PLGRKT: variants seen among roughly 807,000 people sequenced by gnomAD.
PLGRKT encodes the protein plasminogen receptor (KT).
PLGRKT carries 22 observed loss-of-function variants against 18.5 expected under a neutral mutation model. That is an observed-to-expected ratio of 1.19 (90% CI 0.85 to 1.70). The LOEUF (loss-of-function observed/expected upper bound fraction) is 1.70. Among genes scored for constraint, PLGRKT ranks in the 40% most tolerant of loss-of-function variants. The probability of loss-of-function intolerance (pLI) is 0.00; values close to 1 mark genes in which losing one functional copy is unlikely to be tolerated. For synonymous variants in PLGRKT, 72 were observed against 52.8 expected, an observed-to-expected ratio of 1.36 and a Z score of -1.58; for missense variants, 235 against 174.4, an observed-to-expected ratio of 1.35 and a Z score of -1.96.
intron 2 of PLGRKT, among the ~76,000 whole-genome samples, chr9:5,434,604 T>C (rs1398204541): frequency 2.0e-5 from 3 of 147,380 alleles, no homozygotes; most frequent in Non-Finnish European, 3.0e-5. Context: ...CCGCCCCCTC[T>C]GGGAGGTGGG....
chr9:5,412,814 C>T (rs1818390278), intron 3 of PLGRKT, among the ~76,000 whole-genome samples: 1 of 151,818 alleles, frequency 6.6e-6, no homozygotes, highest in Non-Finnish European at 1.5e-5. Flanking sequence ...ATTTTTAAAC[C>T]ACCGTAAACA....
intron 3 of PLGRKT, among the ~76,000 whole-genome samples, chr9:5,382,870 G>A (rs1680805173): frequency 6.6e-6 from 1 of 152,132 alleles, no homozygotes; most frequent in Non-Finnish European, 1.5e-5. Context: ...AAGAACTGTG[G>A]GAACCTGAAT....
At chr9:5,414,656 A>T (rs1818425213) in intron 3 of PLGRKT, among the ~76,000 whole-genome samples, 1 of 152,236 alleles carries the variant, frequency 6.6e-6, no homozygotes, top group East Asian at 1.9e-4. Flanking sequence ...TTAGGAAAAC[A>T]ATATTTTGAC....
At chr9:5,361,974 A>T in intron 3 of PLGRKT, 86 bp from the exon 4 acceptor site, 2 of 1,271,840 alleles carry the variant, frequency 1.6e-6, no homozygotes, top group Non-Finnish European at 2.2e-6. Context: ...CAGCGGATTC[A>T]TTCTTCAATT....
intron 3 of PLGRKT, among the ~76,000 whole-genome samples, chr9:5,384,022 A>G (rs186006657): frequency 3.9e-5 from 6 of 152,352 alleles, no homozygotes; most frequent in Non-Finnish European, 8.8e-5. Context: ...GAGCCACTCC[A>G]CTGTCACAGC....
chr9:5,363,070 C>T (rs988594884), intron 3 of PLGRKT, among the ~76,000 whole-genome samples: 9 of 151,708 alleles, frequency 5.9e-5, no homozygotes, highest in Non-Finnish European at 1.0e-4. Context: ...AAGGTAACTG[C>T]GGATTGAGAG....
chr9:5,380,123 G>C (rs1243045357), intron 3 of PLGRKT, among the ~76,000 whole-genome samples: 1 of 152,114 alleles, frequency 6.6e-6, no homozygotes, highest in Non-Finnish European at 1.5e-5. Context: ...CCCGCACTTT[G>C]GGAGGCCGAG....
chr9:5,411,145 A>G (rs1467002019), intron 3 of PLGRKT, among the ~76,000 whole-genome samples: 6 of 152,140 alleles, frequency 3.9e-5, no homozygotes, highest in African/African-American at 1.4e-4. Flanking sequence ...ACACTTTGGG[A>G]GGCCGAGGCA....
chr9:5,420,776 A>C (rs1176272797), intron 3 of PLGRKT, among the ~76,000 whole-genome samples: 3 of 152,168 alleles, frequency 2.0e-5, no homozygotes, highest in African/African-American at 7.2e-5. Flanking sequence ...AAAAGCACAC[A>C]CTGCACTTTC....
At chr9:5,380,731 C>A (rs890999674) in intron 3 of PLGRKT, among the ~76,000 whole-genome samples, 2 of 152,142 alleles carry the variant, frequency 1.3e-5, no homozygotes, top group African/African-American at 2.4e-5. Flanking sequence ...GTTCTCTTGC[C>A]ATAACCTTGG....
intron 3 of PLGRKT, among the ~76,000 whole-genome samples, chr9:5,369,686 C>A (rs565204878): frequency 6.6e-5 from 10 of 152,114 alleles, no homozygotes; most frequent in African/African-American, 1.2e-4. Context: ...TGGAACCAAC[C>A]CAAATGCCCA....
At chr9:5,413,687 G>C (rs1194550283) in intron 3 of PLGRKT, among the ~76,000 whole-genome samples, 4 of 152,170 alleles carry the variant, frequency 2.6e-5, no homozygotes, top group Non-Finnish European at 5.9e-5. Flanking sequence ...TTTATCCATT[G>C]AGAACCATTT....
chr9:5,361,122 T>C lies in PLGRKT; in HGVS notation c.278A>G (p.Tyr93Cys). ...PIVPLSFILT[Y>C]QYDLGYGTLL... ...GGTTCCATAGCCCAAGTCATACTGG[T>C]AGGTGAGGATAAAGCTTAATGGAAC... is the stretch of plus-strand genomic sequence containing the variant. The change falls in exon 5 of 6, where the codon TAC becomes TGC. Residue 93 changes from tyrosine to cysteine, a missense_variant. Transcript: ENST00000223864. 1.2e-6 allele frequency: 2 copies of C among 1,609,160 alleles called. No homozygotes were observed. Among genetic ancestry groups the C allele is most frequent in the Non-Finnish European group, 1.7e-6 (2 of 1,175,736 alleles).
rs1818518942 is a variant in PLGRKT at position 5,418,953 on chromosome 9, A to G, written c.81+12944T>C. On this transcript the variant is annotated intron_variant, in intron 3 of 5. Coordinates refer to ENST00000223864, the MANE Select transcript of PLGRKT (RefSeq NM_018465.4). This position sits in a 1 kb window ranked among gnomAD's most constrained non-coding sequence, Gnocchi z 4.2. ...ATTAAAACAGATCTGACATTCTAGC[A>G]GAGTCCTGGGACAGCGTCTCCATGG... 1 of 753,296 alleles carries G rather than the reference A, an allele frequency of 1.3e-6. No individual in the cohort carries two copies. Among genetic ancestry groups the G allele is most frequent in the South Asian group, 1.6e-5 (1 of 64,246 alleles). 46.7% of individuals were successfully genotyped at this position (753,296 alleles called of 1,614,324 possible). A position where few individuals can be genotyped will look rare whatever the true frequency, so the allele number is the denominator to read the frequency against.
intron 3 of PLGRKT, among the ~76,000 whole-genome samples, chr9:5,388,284 C>T (rs192869133): frequency 6.6e-6 from 1 of 151,876 alleles, no homozygotes; most frequent in African/African-American, 2.4e-5. Context: ...CCAGGAACAA[C>T]TGAGGAATGT....
chr9:5,409,980 A>G (rs1818331792), intron 3 of PLGRKT, among the ~76,000 whole-genome samples: 1 of 152,206 alleles, frequency 6.6e-6, no homozygotes, highest in Non-Finnish European at 1.5e-5. Context: ...GGACCTGGAG[A>G]AATTTTTACC....
At chr9:5,437,343 G>C (rs1818979809) in intron 1 of PLGRKT, among the ~76,000 whole-genome samples, 1 of 152,186 alleles carries the variant, frequency 6.6e-6, no homozygotes, top group African/African-American at 2.4e-5. Context: ...ATGTATGACT[G>C]ATCGTCTCAC....
chr9:5,409,162 T>A (rs966489085), intron 3 of PLGRKT, among the ~76,000 whole-genome samples: 2 of 152,186 alleles, frequency 1.3e-5, no homozygotes, highest in African/African-American at 4.8e-5. Flanking sequence ...ACTGTGATGG[T>A]TAATACTGAG....
chr9:5,389,852 T>C lies in PLGRKT; in HGVS notation c.82-27964A>G, dbSNP rs528863684. 1.6e-4 allele frequency among the ~76,000 whole-genome samples: 24 copies of C among 152,000 alleles called. 1 individual carries two copies. Among genetic ancestry groups the C allele is most frequent in the African/African-American group, 5.8e-4 (24 of 41,302 alleles). The stretch of plus-strand genomic sequence containing the variant: ...TCATAGTATGTGAAACGGACCTTCA[T>C]TGAAGGACAACACCTGTGGGAACTC... On this transcript the variant is annotated intron_variant, in intron 3 of 5. Transcript: ENST00000223864.
Sources: allele counts gnomAD v4.1 joint callset (sites outside exome capture counted in the v4.1 genomes callset), GRCh38; gene constraint gnomAD v4.1.1; non-coding constraint Gnocchi (gnomAD v3.1); transcripts MANE v1.5; gene names NCBI Gene and HGNC (gene_info 2026-07-23, HGNC 2026-07-21).